FETUB: variants seen among roughly 807,000 people sequenced by gnomAD.
FETUB encodes fetuin-B.
Under a neutral mutation model 30.9 loss-of-function variants are expected in FETUB, and 28 were observed. That is an observed-to-expected ratio of 0.90 (90% CI 0.67 to 1.24). The LOEUF (loss-of-function observed/expected upper bound fraction) is 1.24. Among genes scored for constraint, FETUB ranks in the 50% most tolerant of loss-of-function variants. The pLI, the probability that FETUB is intolerant of heterozygous loss-of-function variation, is 0.00. For missense variants in FETUB, 469 were observed against 455.3 expected (o/e 1.03, Z -0.27); for synonymous variants, 186 against 175.9 (o/e 1.06, Z -0.45).
At position 186,640,535 on chromosome 3, in the gene FETUB, C is replaced by A. The variant is rs1716949064; in HGVS notation, c.75C>A (p.Ala25=). The A allele has an allele frequency of 1.2e-6, 2 of 1,614,094 alleles. No individual in the cohort carries two copies. The highest frequency in any genetic ancestry group is 1.7e-5 in the Admixed American group (1 of 60,004). ...CCGAMSPPQL[A]LNPSALLSRG... Reference sequence around the variant, plus strand: ...GAGCAATGTCTCCACCCCAGCTGGCCCTCAACCCCTCGGCTCTGCTCTCCC... The same window carrying A: ...GAGCAATGTCTCCACCCCAGCTGGCACTCAACCCCTCGGCTCTGCTCTCCC... The change falls in exon 1 of 7, where the codon GCC becomes GCA. Residue 25 remains alanine, a synonymous_variant. Coordinates refer to ENST00000265029, the MANE Select transcript of FETUB (RefSeq NM_014375.3).
At chr3:186,645,127 C>A (rs550265769) in intron 4 of FETUB, among the ~76,000 whole-genome samples, 1 of 152,134 alleles carries the variant, frequency 6.6e-6, no homozygotes, top group African/African-American at 2.4e-5. Flanking sequence ...AAGAGTCAGG[C>A]GGCTTGATTT....
At position 186,645,789 on chromosome 3, in the gene FETUB, C is replaced by T. The variant is rs1047174983; in HGVS notation, c.595-459C>T. ...ATCGCTAGGATAGAGTGCTGTGGCGCGATCTTGGCTCACTGCAACCTCCAA... is the reference window on the plus strand; with the variant it reads ...ATCGCTAGGATAGAGTGCTGTGGCGTGATCTTGGCTCACTGCAACCTCCAA... On this transcript the variant is annotated intron_variant, in intron 4 of 6. Transcript: ENST00000265029. Among the ~76,000 whole-genome samples the T allele has an allele frequency of 4.4e-5, 6 of 135,254 alleles. No homozygotes were observed. In the East Asian group the frequency reaches 1.1e-3, roughly 25 times the overall value. The allele number at this position is 135,254 out of a possible 152,430, so 88.7% of individuals were successfully genotyped here. A position where few individuals can be genotyped will look rare whatever the true frequency, so the allele number is the denominator to read the frequency against.
Position 186,641,138 on chromosome 3 carries a change from T to A in FETUB, c.334T>A (p.Ser112Thr). ...QDCGMRIFFE[S>T]VYGQCKAIFY... ...CTGTGGAATGAGGATATTTTTTGAATCAGTGAGTGCTTGTTTTTATAAACC... is the reference window on the plus strand; with the variant it reads ...CTGTGGAATGAGGATATTTTTTGAAACAGTGAGTGCTTGTTTTTATAAACC... Residue 112 changes from serine to threonine, a missense_variant and splice_region_variant, in exon 2 of 7, where the codon TCA becomes ACA. Ser to Thr is a moderately conservative substitution (Grantham distance 58). Coordinates refer to ENST00000265029, the MANE Select transcript of FETUB (RefSeq NM_014375.3). The A allele has an allele frequency of 6.3e-7, 1 of 1,595,080 alleles. No individual in the cohort carries two copies. Among genetic ancestry groups the A allele is most frequent in the African/African-American group, 1.3e-5 (1 of 74,660 alleles).
At chr3:186,642,663 G>A (rs576807779) in intron 3 of FETUB, 105 bp downstream of exon 3, 2 of 736,876 alleles carry the variant, frequency 2.7e-6, no homozygotes, top group South Asian at 3.1e-5. Flanking sequence ...CTTATTTTCT[G>A]TTTATTCTTA....
At chr3:186,649,765 C>G (rs1341918280) in intron 5 of FETUB, among the ~76,000 whole-genome samples, 1 of 152,196 alleles carries the variant, frequency 6.6e-6, no homozygotes, top group African/African-American at 2.4e-5. Context: ...GCCACTGCGC[C>G]CAGCTCAGGA....
intron 1 of FETUB, 24 bp downstream of exon 1, chr3:186,640,709 T>C (rs954627872): frequency 6.3e-7 from 1 of 1,591,434 alleles, no homozygotes; most frequent in Non-Finnish European, 8.6e-7. Context: ...GTTCCCACTC[T>C]GGGGCAGGGA....
intron 5 of FETUB, among the ~76,000 whole-genome samples, chr3:186,650,164 C>CGG (rs1717891652): frequency 5.3e-5 from 1 of 18,850 alleles, no homozygotes. Context: ...TCTTTGTTGG[C>CGG]GGGGGTGGGG....
intron 3 of FETUB, among the ~76,000 whole-genome samples, chr3:186,643,729 G>A (rs971762601): frequency 2.0e-5 from 3 of 152,176 alleles, no homozygotes; most frequent in Non-Finnish European, 2.9e-5. Flanking sequence ...GCTGTAGCTG[G>A]AAGTCCCCCA....
upstream of FETUB, chr3:186,640,309 C>A: frequency 1.5e-6 from 1 of 668,272 alleles, no homozygotes; most frequent in Non-Finnish European, 2.7e-6. Flanking sequence ...AAAGTACTGA[C>A]TTAGGAAAAT....
chr3:186,637,886 T>C (rs1449015547), upstream of FETUB, among the ~76,000 whole-genome samples: 2 of 152,204 alleles, frequency 1.3e-5, no homozygotes, highest in African/African-American at 4.8e-5. Flanking sequence ...TCCTTTTACA[T>C]GGGAGGAGCC....
upstream of FETUB, among the ~76,000 whole-genome samples, chr3:186,640,075 G>A (rs1257660829): frequency 6.6e-6 from 1 of 152,146 alleles, no homozygotes; most frequent in African/African-American, 2.4e-5. Flanking sequence ...GAGTGGCCAA[G>A]GAGACCTCCA....
chr3:186,638,095 T>C (rs1175561977), upstream of FETUB, among the ~76,000 whole-genome samples: 1 of 152,250 alleles, frequency 6.6e-6, no homozygotes, highest in Non-Finnish European at 1.5e-5. Context: ...CAAAATATTG[T>C]TAAAATTAAT....
Position 186,640,622 on chromosome 3 carries a change from A to G in FETUB, c.162A>G (p.Lys54=). ...VAGFALRDIN[K]DRKDGYVLRL... The stretch of plus-strand genomic sequence containing the variant: ...GCTTTGCCCTGCGGGATATTAACAA[A>G]GACAGAAAGGATGGCTATGTGCTGA... Residue 54 remains lysine, a synonymous_variant, in exon 1 of 7, where the codon AAA becomes AAG. Coordinates refer to ENST00000265029, the MANE Select transcript of FETUB (RefSeq NM_014375.3). The G allele has an allele frequency of 6.2e-7, 1 of 1,614,196 alleles. No individual in the cohort carries two copies. The highest frequency in any genetic ancestry group is 8.5e-7 in the Non-Finnish European group (1 of 1,180,032).
At position 186,652,737 on chromosome 3, in the gene FETUB, G is replaced by A. The variant is rs1718172966; in HGVS notation, c.*106G>A. The A allele has an allele frequency of 7.3e-7, 1 of 1,372,078 alleles. No individual in the cohort carries two copies. The allele number at this position is 1,372,078 out of a possible 1,614,324, so 85.0% of individuals were successfully genotyped here. On this transcript the variant is annotated 3_prime_UTR_variant, in exon 7 of 7. Transcript: ENST00000265029. ...GTGCACACGTAGAGTGGCTAGTGAA[G>A]GACGCCTTTTTGACTCTTCTTGGTC...
intron 3 of FETUB, among the ~76,000 whole-genome samples, chr3:186,644,063 T>C (rs1717291084): frequency 6.6e-6 from 1 of 152,242 alleles, no homozygotes; most frequent in Non-Finnish European, 1.5e-5. Context: ...TATACTGTAT[T>C]GTGATCGGAT....
chr3:186,652,160 T>C (rs1039366369), intron 6 of FETUB, 103 bp from the exon 7 acceptor site: 29 of 1,366,270 alleles, frequency 2.1e-5, no homozygotes, highest in Non-Finnish European at 2.8e-5. Flanking sequence ...CTAGTCTCCC[T>C]TTGAAATGTT....
At chr3:186,637,322 A>T (rs1348391017), upstream of FETUB, among the ~76,000 whole-genome samples, 1 of 152,178 alleles carries the variant, frequency 6.6e-6, no homozygotes, top group Admixed American at 6.5e-5. Flanking sequence ...AGAGACCATC[A>T]TGTACCAGGC....
chr3:186,645,812 CAA>C (rs1717473093), intron 4 of FETUB, among the ~76,000 whole-genome samples: 2 of 144,800 alleles, frequency 1.4e-5, no homozygotes, highest in African/African-American at 2.6e-5. Context: ...CTGCAACCTC[CAA>C]CTCCCTGGTT....
In FETUB at chr3:186,640,608, C is replaced by T. The variant is rs758726643; in HGVS notation, c.148C>T (p.Arg50Trp). ...GCTGGCAGTTGCAGGCTTTGCCCTG[C>T]GGGATATTAACAAAGACAGAAAGGA... is the stretch of plus-strand genomic sequence containing the variant. ...DVLAVAGFALRDINKDRKDGY... is the reference protein window; with the variant it reads ...DVLAVAGFALWDINKDRKDGY... The change falls in exon 1 of 7, where the codon CGG (arginine) becomes TGG (tryptophan). Residue 50 changes from arginine (R) to tryptophan (W), a missense_variant. By Grantham distance (101) the Arg-to-Trp change is moderately radical. Coordinates refer to ENST00000265029, the MANE Select transcript of FETUB (RefSeq NM_014375.3). 15 of 1,614,136 alleles carry T rather than the reference C, an allele frequency of 9.3e-6. No homozygotes were observed. Among genetic ancestry groups the T allele is most frequent in the Middle Eastern group, 1.6e-4 (1 of 6,062 alleles).
Sources: allele counts gnomAD v4.1 joint callset (sites outside exome capture counted in the v4.1 genomes callset), GRCh38; gene constraint gnomAD v4.1.1; transcripts MANE v1.5; gene names NCBI Gene and HGNC (gene_info 2026-07-23, HGNC 2026-07-21).